The following ZNF699 variants were observed in gnomAD, a reference collection of about 807,000 sequenced individuals.
ZNF699 encodes the protein zinc finger protein 699.
ZNF699 carries 18 observed loss-of-function variants against 22.5 expected under a neutral mutation model. The observed-to-expected ratio is 0.80, with a 90% CI of 0.55 to 1.19. The LOEUF (loss-of-function observed/expected upper bound fraction) is 1.19. Among genes scored for constraint, ZNF699 ranks in the 50% most tolerant of loss-of-function variants. The pLI is 0.00. For missense variants in ZNF699, 670 were observed against 763.4 expected (o/e 0.88, Z 1.44); for synonymous variants, 241 against 262.3 (o/e 0.92, Z 0.78).
chr19:9,307,981 G>T (rs554323186), intron 1 of ZNF699, among the ~76,000 whole-genome samples: 8 of 150,208 alleles, frequency 5.3e-5, no homozygotes, highest in Non-Finnish European at 1.0e-4. Context: ...TAATAGGCTA[G>T]ACTATTGATA....
intron 3 of ZNF699, among the ~76,000 whole-genome samples, chr19:9,301,627 A>C (rs1024507802): frequency 4.6e-5 from 7 of 152,226 alleles, no homozygotes; most frequent in Non-Finnish European, 1.0e-4. Flanking sequence ...GTCTTTTCTA[A>C]CACCATCTTA....
chr19:9,305,266 T>TACACAC (rs755417456), intron 1 of ZNF699, 142 bp from the exon 2 acceptor site: 22 of 583,936 alleles, frequency 3.8e-5, no homozygotes, highest in Non-Finnish European at 5.8e-5. Context: ...TCAAAACACA[T>TACACAC]ACACACACAC....
intron 3 of ZNF699, among the ~76,000 whole-genome samples, chr19:9,301,704 A>C (rs1454592792): frequency 6.6e-6 from 1 of 152,168 alleles, no homozygotes; most frequent in Admixed American, 6.5e-5. Flanking sequence ...TTGTTTAACT[A>C]TAAGTGTGTT....
Position 9,297,331 on chromosome 19 carries a change from A to G in ZNF699, c.435T>C (p.Ile145=). 6.3e-7 allele frequency: 1 copy of G among 1,599,068 alleles called. No homozygotes were observed. Among genetic ancestry groups the G allele is most frequent in the Non-Finnish European group, 8.5e-7 (1 of 1,177,284 alleles). ...SLHENQESCG[I]DYQNKSHERH... Reference sequence around the variant, plus strand: ...TCTCATGGCTTTTGTTCTGATAATCAATACCACAGGACTCCTGGTTTTCAT... The same window carrying G: ...TCTCATGGCTTTTGTTCTGATAATCGATACCACAGGACTCCTGGTTTTCAT... Residue 145 remains isoleucine (I), a synonymous_variant, in exon 5 of 6, where the codon ATT becomes ATC. Coordinates refer to ENST00000591998, the MANE Select transcript of ZNF699 (RefSeq NM_198535.3). The surrounding 1 kb of genome is among the most constrained non-coding windows in gnomAD (Gnocchi z 4.3).
intron 3 of ZNF699, among the ~76,000 whole-genome samples, chr19:9,301,974 C>T (rs1272166645): frequency 6.6e-6 from 1 of 151,150 alleles, no homozygotes; most frequent in Admixed American, 6.6e-5. Flanking sequence ...GCGATCTTGG[C>T]TCACCGTAAC....
chr19:9,305,302 A>G (rs938987669), intron 1 of ZNF699, among the ~76,000 whole-genome samples, 178 bp from the exon 2 acceptor site: 4 of 144,388 alleles, frequency 2.8e-5, no homozygotes, highest in Non-Finnish European at 4.4e-5. Context: ...CACACCCAAG[A>G]CACCCAAGTA....
intron 1 of ZNF699, among the ~76,000 whole-genome samples, chr19:9,305,634 C>T (rs1367744624): frequency 6.6e-6 from 1 of 152,184 alleles, no homozygotes; most frequent in Non-Finnish European, 1.5e-5. Flanking sequence ...GGCTTTGCTG[C>T]TCAGCCCTAG....
Position 9,293,679 on chromosome 19 carries a change from GA to G in ZNF699, c.*1795del, listed in dbSNP as rs1302239211. Among the ~76,000 whole-genome samples the G allele has an allele frequency of 6.6e-6, 1 of 152,148 alleles. No homozygotes were observed. Among genetic ancestry groups the G allele is most frequent in the Non-Finnish European group, 1.5e-5 (1 of 68,030 alleles). ...GATGAAGGAACTTCCTAAAGTCTTG[GA>G]AATGTTCTGTTTACCAGGACATGTA... is the stretch of plus-strand genomic sequence containing the variant. On this transcript the variant is annotated 3_prime_UTR_variant, in exon 6 of 6. Coordinates refer to ENST00000591998, the MANE Select transcript of ZNF699 (RefSeq NM_198535.3).
rs763605149 is a variant in ZNF699, at chr19:9,295,737, TC to T, written c.1666del (p.Glu556LysfsTer51). On this transcript the variant is annotated frameshift_variant, in exon 6 of 6. Transcript: ENST00000591998. LOFTEE classifies it low-confidence loss of function (END_TRUNC). ...LRIHMRTHTGEKPYECKECGK... is the reference protein window; with the variant it reads ...LRIHMRTHTGXKPYECKECGK... Reference sequence around the variant, plus strand: ...ACATTCCTTACATTCATAGGGTTTTTCCCCAGTGTGCGTTCTCATGTGGATC... The same window carrying T: ...ACATTCCTTACATTCATAGGGTTTTTCCCAGTGTGCGTTCTCATGTGGATC... 6.2e-7 allele frequency: 1 copy of T among 1,614,116 alleles called. No homozygotes were observed. Among genetic ancestry groups the T allele is most frequent in the Non-Finnish European group, 8.5e-7 (1 of 1,179,998 alleles).
chr19:9,307,650 G>GA lies in ZNF699; in HGVS notation c.-6+1699dup, dbSNP rs535603040. ...TTATAAGCATTATCAACTCCTAGAG[G>GA]AAAAAAAATCAGTACTGGCCAGGCA... On this transcript the variant is annotated intron_variant, in intron 1 of 5. Coordinates refer to ENST00000591998, the MANE Select transcript of ZNF699 (RefSeq NM_198535.3). Among the ~76,000 whole-genome samples, 8 of 151,884 alleles carry GA rather than the reference G, an allele frequency of 5.3e-5. No individual in the cohort carries two copies. In the East Asian group the frequency reaches 1.4e-3, roughly 26 times the overall value.
chr19:9,298,677 T>C (rs1398487004), intron 3 of ZNF699, among the ~76,000 whole-genome samples: 1 of 152,222 alleles, frequency 6.6e-6, no homozygotes, highest in Admixed American at 6.5e-5. Flanking sequence ...TAATTTTGTC[T>C]AAAGACTTTA....
At chr19:9,307,150 G>A (rs1469264286) in intron 1 of ZNF699, among the ~76,000 whole-genome samples, 3 of 152,176 alleles carry the variant, frequency 2.0e-5, no homozygotes, top group Admixed American at 6.5e-5. Flanking sequence ...GCAGTAAGCC[G>A]AAATCACACC....
At chr19:9,308,137 TA>T (rs2066334271) in intron 1 of ZNF699, among the ~76,000 whole-genome samples, 1 of 152,086 alleles carries the variant, frequency 6.6e-6, no homozygotes, top group Non-Finnish European at 1.5e-5. Context: ...CTCAGCTTTT[TA>T]AAAAAATTTT....
rs1171179058 is a variant in ZNF699 at position 9,309,821 on chromosome 19, C to G, written c.-477G>C. 1 of 152,590 alleles carries G rather than the reference C, an allele frequency of 6.6e-6. No homozygotes were observed. The highest frequency in any genetic ancestry group is 6.5e-5 in the Admixed American group (1 of 15,292). The allele number at this position is 152,590 out of a possible 1,614,324, so 9.5% of individuals were successfully genotyped here. A position where few individuals can be genotyped will look rare whatever the true frequency, so the allele number is the denominator to read the frequency against. On this transcript the variant is annotated 5_prime_UTR_variant, in exon 1 of 6. Transcript: ENST00000591998. ...CGGGCGGAGGCGTAGGGTGACAAGG[C>G]TGTCGACTCGCGCATGCGCAGAAGC... is the stretch of plus-strand genomic sequence containing the variant.
chr19:9,309,136 CTTTTTTTTTT>C (rs61471638), intron 1 of ZNF699, among the ~76,000 whole-genome samples: 2 of 104,844 alleles, frequency 1.9e-5, no homozygotes, highest in African/African-American at 3.6e-5. Flanking sequence ...TTTTATTTTA[CTTTTTTTTTT>C]TTTTTTTTTT....
In ZNF699 at chr19:9,295,387, C is replaced by A. The variant is rs1364011555; in HGVS notation, c.*88G>T. 42 of 1,479,214 alleles carry A rather than the reference C, an allele frequency of 2.8e-5. No individual in the cohort carries two copies. Among genetic ancestry groups the A allele is most frequent in the Non-Finnish European group, 3.8e-5 (42 of 1,113,188 alleles). 91.6% of individuals were successfully genotyped at this position (1,479,214 alleles called of 1,614,324 possible). ...ACGATGAGCAACAATTTCCTACTTT[C>A]TTACATTCATAGGGTGTCTCCACAG... On this transcript the variant is annotated 3_prime_UTR_variant, in exon 6 of 6. Coordinates refer to ENST00000591998, the MANE Select transcript of ZNF699 (RefSeq NM_198535.3).
chr19:9,295,517 G>C lies in ZNF699; in HGVS notation c.1887C>G (p.Tyr629Ter). The C allele has an allele frequency of 6.2e-7, 1 of 1,613,026 alleles. No homozygotes were observed. The highest frequency in any genetic ancestry group is 8.5e-7 in the Non-Finnish European group (1 of 1,179,474). Residue 629 changes from tyrosine (Y) to a stop codon, truncating the protein, a stop_gained, in exon 6 of 6, where the codon TAC becomes TAG. Transcript: ENST00000591998. LOFTEE classifies it high-confidence loss of function. ...ECGKAFVCPA[Y>*]FRRHVKTHTR... ...TGTGAGTTTTCACATGCCTTCGAAA[G>C]TAGGCAGGACAAACAAAGGCTTTCC...
rs1381268902 is a variant in ZNF699, at chr19:9,295,232, C to T, written c.*243G>A. ...TGGTAATCAACGAGCCAGCATTCTA[C>T]TTTAAGGATGAGGCACTGATCTTCA... On this transcript the variant is annotated 3_prime_UTR_variant, in exon 6 of 6. Transcript: ENST00000591998. 6.2e-6 allele frequency: 3 copies of T among 486,474 alleles called. No homozygotes were observed. Among genetic ancestry groups the T allele is most frequent in the African/African-American group, 5.9e-5 (3 of 51,018 alleles). 30.1% of individuals were successfully genotyped at this position (486,474 alleles called of 1,614,324 possible).
chr19:9,300,936 G>A (rs2066304833), intron 3 of ZNF699, among the ~76,000 whole-genome samples: 1 of 152,204 alleles, frequency 6.6e-6, no homozygotes. Flanking sequence ...TAATGTAAAT[G>A]ATGGACTCTG....
Sources: allele counts gnomAD v4.1 joint callset (sites outside exome capture counted in the v4.1 genomes callset), GRCh38; gene constraint gnomAD v4.1.1; non-coding constraint Gnocchi (gnomAD v3.1); transcripts MANE v1.5; gene names NCBI Gene and HGNC (gene_info 2026-07-23, HGNC 2026-07-21).